Variants in EIF2B5 observed in about 807,000 individuals in gnomAD.
EIF2B5 encodes translation initiation factor eIF2B subunit epsilon.
A neutral mutation model predicts 87.3 loss-of-function variants in EIF2B5; 38 were observed. The ratio of observed to expected loss-of-function variants is 0.44; its 90% CI spans 0.34 to 0.57. EIF2B5 has a LOEUF of 0.57. Ranked by LOEUF, EIF2B5 falls within the 20% of genes least tolerant of loss-of-function variation. The pLI, the probability that EIF2B5 is intolerant of heterozygous loss-of-function variation, is 0.02. For missense variants in EIF2B5, 784 were observed against 909.5 expected (o/e 0.86, Z 1.78); for synonymous variants, 313 against 339.6 (o/e 0.92, Z 0.86).
At chr3:184,140,364 G>A (rs562854599) in intron 6 of EIF2B5, 54 bp from the exon 7 acceptor site, 25 of 1,589,636 alleles carry the variant, frequency 1.6e-5, no homozygotes, top group Middle Eastern at 1.7e-4. Context: ...TTGTACTTGG[G>A]GGCATTCTTC....
intron 5 of EIF2B5, chr3:184,138,742 A>G (rs1713477081): frequency 4.5e-6 from 1 of 220,572 alleles, no homozygotes; most frequent in Non-Finnish European, 9.2e-6. Flanking sequence ...ATGACTGCTC[A>G]CTGCAGCCTC....
At chr3:184,143,683 A>C (rs993938994) in intron 13 of EIF2B5, 118 bp downstream of exon 13, 3 of 1,509,996 alleles carry the variant, frequency 2.0e-6, no homozygotes, top group African/African-American at 2.7e-5. Context: ...TTGCCTCTGG[A>C]AGCTGGTTGG....
chr3:184,143,882 T>G, intron 13 of EIF2B5: 1 of 772,882 alleles, frequency 1.3e-6, no homozygotes, highest in Admixed American at 2.4e-5. Flanking sequence ...AATAGGTATT[T>G]TGAGGCAGCC....
Position 184,135,391 on chromosome 3 carries a change from G to A in EIF2B5, c.6G>A (p.Ala2=), listed in dbSNP as rs750163811. 3 of 1,577,812 alleles carry A rather than the reference G, an allele frequency of 1.9e-6. No homozygotes were observed. Among genetic ancestry groups the A allele is most frequent in the Admixed American group, 1.9e-5 (1 of 52,264 alleles). M[A]APVVAPPGVV... ...GGTGACCGTGAGAGAAGAAGATGGC[G>A]GCCCCTGTAGTGGCGCCGCCTGGTG... Residue 2 remains alanine (A), a synonymous_variant, in exon 1 of 16, where the codon GCG becomes GCA. Transcript: ENST00000648915.
intron 5 of EIF2B5, 55 bp from the exon 6 acceptor site, chr3:184,140,021 CAAAA>C (rs112477801): frequency 8.8e-4 from 1,040 of 1,188,040 alleles, no homozygotes; most frequent in Middle Eastern, 1.4e-3. Flanking sequence ...AGACTTGTCT[CAAAA>C]AAAAAAAAAA....
At position 184,140,590 on chromosome 3, in the gene EIF2B5, G is replaced by C. The variant is rs113994069; in HGVS notation, c.1016G>C (p.Arg339Pro). ...ACCACCCAGAGCTGCACTCATTCCC[G>C]GCACAACATCTACCGAGGGCCTGAG... ...DSTTQSCTHS[R>P]HNIYRGPEVS... Residue 339 changes from arginine (R) to proline (P), a missense_variant, in exon 7 of 16, where the codon CGG becomes CCG. This residue lies in a region of EIF2B5 where 660 missense variants were observed against 789.5 expected (regional missense o/e 0.84). Coordinates refer to ENST00000648915, the MANE Select transcript of EIF2B5 (RefSeq NM_003907.3). The C allele has an allele frequency of 5.0e-6, 8 of 1,614,140 alleles. No individual in the cohort carries two copies. Among genetic ancestry groups the C allele is most frequent in the Non-Finnish European group, 6.8e-6 (8 of 1,180,040 alleles).
At chr3:184,139,532 C>T (rs561827078) in intron 5 of EIF2B5, among the ~76,000 whole-genome samples, 3 of 149,580 alleles carry the variant, frequency 2.0e-5, no homozygotes, top group East Asian at 2.0e-4. Context: ...CTGCCTGCCT[C>T]GGCCTCCCAA....
In EIF2B5 at chr3:184,141,500, C is replaced by T. The variant is rs116301894; in HGVS notation, c.1157-425C>T. 3.5e-3 allele frequency among the ~76,000 whole-genome samples: 532 copies of T among 151,934 alleles called. 2 individuals carry two copies. Among genetic ancestry groups the T allele is most frequent in the African/African-American group, 0.011 (445 of 41,392 alleles). ...AGGAGGATTACCTGAGCCCAGAGGT[C>T]GAGGGTGCAGTGAGTCATGATCATA... On this transcript the variant is annotated intron_variant, in intron 7 of 15. Coordinates refer to ENST00000648915, the MANE Select transcript of EIF2B5 (RefSeq NM_003907.3).
chr3:184,142,822 G>A lies in EIF2B5; in HGVS notation c.1590G>A (p.Glu530=), dbSNP rs769530660. ...AAGAAGAGAGTGAAAGTGAAAGTGA[G>A]CAAAGTATGGATTCTGAGGAGCCGG... The part of the protein sequence containing the change: ...NMEEESESES[E]QSMDSEEPDS... Residue 530 remains glutamate, a synonymous_variant, in exon 11 of 16, where the codon GAG becomes GAA. Coordinates refer to ENST00000648915, the MANE Select transcript of EIF2B5 (RefSeq NM_003907.3). This position sits in a 1 kb window ranked among gnomAD's most constrained non-coding sequence, Gnocchi z 5.0. The A allele has an allele frequency of 4.3e-6, 7 of 1,614,132 alleles. No homozygotes were observed. Among genetic ancestry groups the A allele is most frequent in the Non-Finnish European group, 5.9e-6 (7 of 1,180,040 alleles).
At chr3:184,135,821 T>C (rs1713325447) in intron 1 of EIF2B5, 3 of 597,378 alleles carry the variant, frequency 5.0e-6, no homozygotes, top group Non-Finnish European at 8.8e-6. Flanking sequence ...GAGAGCTAAA[T>C]GTAGAAACAG....
At position 184,135,555 on chromosome 3, in the gene EIF2B5, T is replaced by A. The variant is rs758129111; in HGVS notation, c.170T>A (p.Phe57Tyr). The A allele has an allele frequency of 6.3e-7, 1 of 1,590,550 alleles. No individual in the cohort carries two copies. The highest frequency in any genetic ancestry group is 1.3e-5 in the African/African-American group (1 of 74,138). The change falls in exon 1 of 16, where the codon TTC (phenylalanine) becomes TAC (tyrosine). Residue 57 changes from phenylalanine (F) to tyrosine (Y), a missense_variant. Transcript: ENST00000648915. ...LVADSFDRRFFPISKDQPRVL... is the reference protein window; with the variant it reads ...LVADSFDRRFYPISKDQPRVL... The stretch of plus-strand genomic sequence containing the variant: ...GCCGATAGCTTCGATCGCCGCTTCT[T>A]CCCCATCTCCAAGGACCAGCCTCGG...
In EIF2B5 at chr3:184,144,689, G is replaced by T. The variant is rs1476809145; in HGVS notation, c.2088G>T (p.Gln696His). The part of the protein sequence containing the change: ...SQRDTTDKGQ[Q>H]LRKNQQLQRF... ...GAGATACAACTGACAAGGGCCAGCA[G>T]TTGCGCAAGAATCAACAGGTGCGTC... Residue 696 changes from glutamine (Q) to histidine (H), a missense_variant, in exon 15 of 16, where the codon CAG becomes CAT. This residue lies in a region of EIF2B5 where 660 missense variants were observed against 789.5 expected (regional missense o/e 0.84). Transcript: ENST00000648915. The T allele has an allele frequency of 6.2e-7, 1 of 1,614,062 alleles. No homozygotes were observed. Among genetic ancestry groups the T allele is most frequent in the Non-Finnish European group, 8.5e-7 (1 of 1,179,980 alleles).
At position 184,143,770 on chromosome 3, in the gene EIF2B5, T is replaced by A. The variant is rs1713744056; in HGVS notation, c.1869+205T>A. On this transcript the variant is annotated intron_variant, in intron 13 of 15. Transcript: ENST00000648915. Reference sequence around the variant, plus strand: ...GACTGGCCTTTGAGACTCCAGGATTTCATACCATCCTAGGCCCACAAAGGT... The same window carrying A: ...GACTGGCCTTTGAGACTCCAGGATTACATACCATCCTAGGCCCACAAAGGT... 4.0e-6 allele frequency: 3 copies of A among 754,650 alleles called. No homozygotes were observed. In the East Asian group the frequency reaches 8.1e-5, roughly 20 times the overall value. 46.7% of individuals were successfully genotyped at this position (754,650 alleles called of 1,614,324 possible). A position where few individuals can be genotyped will look rare whatever the true frequency, so the allele number is the denominator to read the frequency against.
At chr3:184,135,935 T>G in intron 1 of EIF2B5, 1 of 326,256 alleles carries the variant, frequency 3.1e-6, no homozygotes, top group Non-Finnish European at 5.7e-6. Context: ...AAACGACCTT[T>G]TGCCTCTGAA....
At position 184,136,629 on chromosome 3, in the gene EIF2B5, C is replaced by A; in HGVS notation, c.213C>A (p.Ala71=). ...KDQPRVLLPL[A]NVALIDYTLE... ...TCCTTCAGGTCCTCTTGCCCCTGGC[C>A]AATGTGGCATTAATTGACTACACTC... Residue 71 remains alanine, a synonymous_variant, in exon 2 of 16, where the codon GCC becomes GCA. Coordinates refer to ENST00000648915, the MANE Select transcript of EIF2B5 (RefSeq NM_003907.3). The A allele has an allele frequency of 6.2e-7, 1 of 1,614,164 alleles. No homozygotes were observed. Among genetic ancestry groups the A allele is most frequent in the Non-Finnish European group, 8.5e-7 (1 of 1,180,042 alleles).
At position 184,142,330 on chromosome 3, in the gene EIF2B5, A is replaced by C. The variant is rs571718105; in HGVS notation, c.1396A>C (p.Ser466Arg). The change falls in exon 9 of 16, where the codon AGT (serine) becomes CGT (arginine). Residue 466 changes from serine (S) to arginine (R), a missense_variant. Coordinates refer to ENST00000648915, the MANE Select transcript of EIF2B5 (RefSeq NM_003907.3). This position sits in a 1 kb window ranked among gnomAD's most constrained non-coding sequence, Gnocchi z 5.0. The part of the protein sequence containing the change: ...AEEDEDDGEF[S>R]DDSGADQEKD... ...GGAAGATGAAGATGATGGCGAGTTC[A>C]GTGATGATTCTGGGGCTGACCAAGA... is the stretch of plus-strand genomic sequence containing the variant. 7.4e-6 allele frequency: 12 copies of C among 1,614,138 alleles called. No individual in the cohort carries two copies. Among genetic ancestry groups the C allele is most frequent in the Non-Finnish European group, 8.5e-6 (10 of 1,180,032 alleles).
Position 184,140,684 on chromosome 3 carries a change from C to CAATT in EIF2B5, c.1111_1114dup (p.Cys372Ter). The CAATT allele has an allele frequency of 6.2e-7, 1 of 1,614,164 alleles. No individual in the cohort carries two copies. The highest frequency in any genetic ancestry group is 8.5e-7 in the Non-Finnish European group (1 of 1,180,044). Reference sequence around the variant, plus strand: ...TGGGCTCTGGCACTGTCATTGGCAGCAATTGCTTTATCACCAACAGTGTCA... The same window carrying CAATT: ...TGGGCTCTGGCACTGTCATTGGCAGCAATTAATTGCTTTATCACCAACAGTGTCA... On this transcript the variant is annotated frameshift_variant, in exon 7 of 16. Coordinates refer to ENST00000648915, the MANE Select transcript of EIF2B5 (RefSeq NM_003907.3). LOFTEE classifies it high-confidence loss of function.
Position 184,144,954 on chromosome 3 carries a change from C to T in EIF2B5, c.*11C>T, listed in dbSNP as rs1369655280. On this transcript the variant is annotated 3_prime_UTR_variant, in exon 16 of 16. Coordinates refer to ENST00000648915, the MANE Select transcript of EIF2B5 (RefSeq NM_003907.3). ...TCTGAAGATGACTGAAGTCACACTG[C>T]CTGCTCCTTTGGGTGTGATTGAGTG... 3 of 1,612,820 alleles carry T rather than the reference C, an allele frequency of 1.9e-6. No individual in the cohort carries two copies. In the East Asian group the frequency reaches 6.7e-5, roughly 36 times the overall value.
chr3:184,142,740 C>A lies in EIF2B5; in HGVS notation c.1547-39C>A. The A allele has an allele frequency of 6.3e-7, 1 of 1,594,672 alleles. No homozygotes were observed. The highest frequency in any genetic ancestry group is 8.6e-7 in the Non-Finnish European group (1 of 1,167,058). Reference sequence around the variant, plus strand: ...CAGGTATATTGCTCTCTGTCAATGACTCTTTTTTTCTTTTTCCTCACCCAT... The same window carrying A: ...CAGGTATATTGCTCTCTGTCAATGAATCTTTTTTTCTTTTTCCTCACCCAT... On this transcript the variant is annotated intron_variant, in intron 10 of 15. Coordinates refer to ENST00000648915, the MANE Select transcript of EIF2B5 (RefSeq NM_003907.3). The surrounding 1 kb of genome is among the most constrained non-coding windows in gnomAD (Gnocchi z 5.0).
Sources: allele counts gnomAD v4.1 joint callset (sites outside exome capture counted in the v4.1 genomes callset), GRCh38; gene constraint gnomAD v4.1.1; regional missense constraint gnomAD v4.1.1; non-coding constraint Gnocchi (gnomAD v3.1); transcripts MANE v1.5; gene names NCBI Gene and HGNC (gene_info 2026-07-23, HGNC 2026-07-21).